The following GRIP1 variants were observed in gnomAD, a reference collection of about 807,000 sequenced individuals.
The protein encoded by GRIP1 is glutamate receptor-interacting protein 1.
A neutral mutation model predicts 129.9 loss-of-function variants in GRIP1; 45 were observed. The observed-to-expected ratio is 0.35, with a 90% CI of 0.27 to 0.44. GRIP1 has a LOEUF of 0.44. Ranked by LOEUF, GRIP1 falls within the 20% of genes least tolerant of loss-of-function variation. GRIP1 has a pLI of 1.00. For missense variants in GRIP1, 1,196 were observed against 1,396.8 expected, an observed-to-expected ratio of 0.86 and a Z score of 2.29; for synonymous variants, 530 against 520.8, an observed-to-expected ratio of 1.02 and a Z score of -0.24.
chr12:66,882,920 A>G (rs528188741), intron 1 of GRIP1, among the ~76,000 whole-genome samples: 1 of 152,280 alleles, frequency 6.6e-6, no homozygotes, highest in Non-Finnish European at 1.5e-5. Flanking sequence ...GTTCATAACC[A>G]AAGAGACACC....
chr12:66,786,296 A>G (rs968943453), intron 1 of GRIP1, among the ~76,000 whole-genome samples: 2 of 152,166 alleles, frequency 1.3e-5, no homozygotes, highest in Non-Finnish European at 2.9e-5. Context: ...AGATAGAGGA[A>G]AGAGGAATTT....
chr12:66,605,763 C>T (rs2064495699), intron 1 of GRIP1, among the ~76,000 whole-genome samples: 1 of 152,090 alleles, frequency 6.6e-6, no homozygotes. Flanking sequence ...ATGTCAACTG[C>T]AGGCAAATTA....
intron 1 of GRIP1, among the ~76,000 whole-genome samples, chr12:66,656,818 G>T (rs905744936): frequency 7.9e-5 from 12 of 152,196 alleles, no homozygotes; most frequent in Admixed American, 2.0e-4. Context: ...CCTCTTCTCA[G>T]ATACTTTTAA....
intron 1 of GRIP1, among the ~76,000 whole-genome samples, chr12:66,846,496 G>C (rs1425912778): frequency 6.6e-6 from 1 of 152,124 alleles, no homozygotes; most frequent in Non-Finnish European, 1.5e-5. Context: ...TCACTAACCT[G>C]GTCCAGCATT....
At chr12:66,833,058 A>G (rs1004273980) in intron 1 of GRIP1, among the ~76,000 whole-genome samples, 28 of 152,290 alleles carry the variant, frequency 1.8e-4, no homozygotes, top group African/African-American at 6.5e-4. Flanking sequence ...ATCTAATCCT[A>G]GAATTACCAA....
intron 7 of GRIP1, among the ~76,000 whole-genome samples, chr12:66,470,120 C>T (rs1161059646): frequency 1.3e-5 from 2 of 152,190 alleles, no homozygotes; most frequent in Admixed American, 1.3e-4. Flanking sequence ...TCCTCTCATG[C>T]CCTTCACCTT....
At chr12:66,966,633 T>G (rs1040952780) in intron 1 of GRIP1, among the ~76,000 whole-genome samples, 1 of 152,198 alleles carries the variant, frequency 6.6e-6, no homozygotes, top group African/African-American at 2.4e-5. Context: ...TCCGTTGGTT[T>G]TAATGACCTT....
rs141105979 is a variant in GRIP1, at chr12:66,478,935, G to A, written c.725-13513C>T. Among the ~76,000 whole-genome samples, 441 of 152,112 alleles carry A rather than the reference G, an allele frequency of 2.9e-3. 1 individual carries two copies. The Middle Eastern group carries it at 0.037, about 13-fold the overall frequency. ...AGGAAATATACCTAGTGTAAATGAC[G>A]AGTTAATGGGTGCAGCACACCAACA... On this transcript the variant is annotated intron_variant, in intron 7 of 24. Transcript: ENST00000359742.
At chr12:66,815,784 C>CAAAA (rs535272561) in intron 1 of GRIP1, among the ~76,000 whole-genome samples, 42 of 148,452 alleles carry the variant, frequency 2.8e-4, no homozygotes, top group Non-Finnish European at 4.7e-4. Context: ...AACAAACAAA[C>CAAAA]AAAAAAAATG....
intron 15 of GRIP1, among the ~76,000 whole-genome samples, chr12:66,410,253 A>AC (rs2057346912): frequency 6.8e-6 from 1 of 147,554 alleles, no homozygotes; most frequent in Non-Finnish European, 1.5e-5. Flanking sequence ...CCGTCTCAAA[A>AC]AAAAAAAAAA....
intron 19 of GRIP1, among the ~76,000 whole-genome samples, chr12:66,391,732 T>A (rs2056596006): frequency 6.6e-6 from 1 of 152,112 alleles, no homozygotes; most frequent in Admixed American, 6.5e-5. Context: ...GTGCACATAG[T>A]CTCAGCTACT....
At chr12:66,511,948 T>C (rs924793687) in intron 7 of GRIP1, among the ~76,000 whole-genome samples, 2 of 152,086 alleles carry the variant, frequency 1.3e-5, no homozygotes, top group African/African-American at 2.4e-5. Flanking sequence ...TGGGAGGTGA[T>C]TGGATCATGG....
intron 1 of GRIP1, among the ~76,000 whole-genome samples, chr12:66,703,249 C>T (rs569393810): frequency 5.5e-4 from 84 of 152,084 alleles, no homozygotes; most frequent in Non-Finnish European, 4.6e-4. Context: ...TGTGCATGCA[C>T]GCACATGTGC....
intron 14 of GRIP1, among the ~76,000 whole-genome samples, chr12:66,426,589 G>A (rs1454986722): frequency 2.0e-5 from 3 of 151,990 alleles, no homozygotes; most frequent in African/African-American, 7.3e-5. Flanking sequence ...TTCCCCCTTT[G>A]TTTCTGGTGA....
At chr12:66,844,358 T>C (rs147352805) in intron 1 of GRIP1, among the ~76,000 whole-genome samples, 77 of 152,282 alleles carry the variant, frequency 5.1e-4, no homozygotes, top group African/African-American at 1.7e-3. Context: ...ACATCACTAC[T>C]TATTAGGAAT....
chr12:66,832,823 A>G (rs892995050), intron 1 of GRIP1, among the ~76,000 whole-genome samples: 6 of 152,230 alleles, frequency 3.9e-5, no homozygotes, highest in African/African-American at 1.4e-4. Context: ...AAAGTGCATC[A>G]GTGACTGTAA....
At position 66,737,994 on chromosome 12, in the gene GRIP1, C is replaced by T. The variant is rs77556882; in HGVS notation, c.-420+66059G>A. On this transcript the variant is annotated intron_variant, in intron 1 of 4. Transcript: ENST00000538373. The stretch of plus-strand genomic sequence containing the variant: ...ATGAAAGGAATCAAGGAAGGATTCA[C>T]GTGGGAAGGAGGGCAGACAGAAGGG... Among the ~76,000 whole-genome samples, 421 of 152,128 alleles carry T rather than the reference C, an allele frequency of 2.8e-3. 1 individual carries two copies. Among genetic ancestry groups the T allele is most frequent in the Non-Finnish European group, 4.7e-3 (321 of 67,992 alleles).
intron 2 of GRIP1, among the ~76,000 whole-genome samples, chr12:66,544,769 G>C (rs1411996926): frequency 1.3e-5 from 2 of 152,150 alleles, no homozygotes; most frequent in African/African-American, 4.8e-5. Flanking sequence ...GGAGAGAAAG[G>C]AACCTGCTTT....
At chr12:66,653,345 TGAACAGCTCAC>T (rs1020322843) in intron 1 of GRIP1, among the ~76,000 whole-genome samples, 1 of 152,230 alleles carries the variant, frequency 6.6e-6, no homozygotes, top group Non-Finnish European at 1.5e-5. Flanking sequence ...CCCTGTAAGC[TGAACAGCTCAC>T]ATTTTTGCAG....
Sources: gnomAD v4.1 joint callset for allele counts (sites outside exome capture counted in the v4.1 genomes callset) on GRCh38, gnomAD v4.1.1 for gene constraint, MANE v1.5 for transcripts, NCBI Gene and HGNC (gene_info 2026-07-23, HGNC 2026-07-21) for gene names.